Variants in NAV2 observed in about 807,000 individuals in gnomAD.
NAV2 encodes the protein neuron navigator 2, also known as helicase, APC down-regulated 1.
NAV2 carries 54 observed loss-of-function variants against 223.2 expected under a neutral mutation model. The observed-to-expected ratio is 0.24, with a 90% CI of 0.19 to 0.30. The LOEUF (loss-of-function observed/expected upper bound fraction) is 0.30, where lower values mean the gene tolerates loss of function less well. Ranked by LOEUF, NAV2 falls within the 10% of genes least tolerant of loss-of-function variation. The probability of loss-of-function intolerance (pLI) is 1.00; values close to 1 mark genes in which losing one functional copy is unlikely to be tolerated. For missense variants in NAV2, 2,806 were observed against 3,147.5 expected (o/e 0.89, Z 2.60); for synonymous variants, 1,279 against 1,239.3 (o/e 1.03, Z -0.67).
chr11:20,034,360 T>TG (rs1391976809), intron 11 of NAV2, among the ~76,000 whole-genome samples: 16 of 64,600 alleles, frequency 2.5e-4, no homozygotes, highest in African/African-American at 7.1e-4. Context: ...AGTTTTTTTT[T>TG]TGTTTTTTTT....
At chr11:20,066,710 A>T (rs758177619) in intron 20 of NAV2, among the ~76,000 whole-genome samples, 10 of 152,198 alleles carry the variant, frequency 6.6e-5, no homozygotes, top group Non-Finnish European at 1.3e-4. Context: ...ACTAATGGAG[A>T]TGCTGACATC....
intron 1 of NAV2, among the ~76,000 whole-genome samples, chr11:19,515,949 A>G (rs946553051): frequency 6.6e-6 from 1 of 151,548 alleles, no homozygotes; most frequent in Non-Finnish European, 1.5e-5. Context: ...ATTGACTGAG[A>G]TGGGAAAGGC....
At chr11:20,010,222 G>T (rs2053449453) in intron 11 of NAV2, among the ~76,000 whole-genome samples, 1 of 152,014 alleles carries the variant, frequency 6.6e-6, no homozygotes, top group Non-Finnish European at 1.5e-5. Context: ...TCCCCTAATT[G>T]TGAAGATGTC....
At chr11:19,562,946 C>T (rs1028727691) in intron 1 of NAV2, among the ~76,000 whole-genome samples, 44 of 152,126 alleles carry the variant, frequency 2.9e-4, no homozygotes, top group African/African-American at 2.4e-5. Flanking sequence ...ATAATGTCAC[C>T]TTCAAAACAT....
intron 1 of NAV2, among the ~76,000 whole-genome samples, chr11:19,501,954 T>C (rs934007009): frequency 6.6e-6 from 1 of 152,180 alleles, no homozygotes; most frequent in African/African-American, 2.4e-5. Context: ...TATATCCTTT[T>C]TAGCTTTGCT....
At chr11:19,731,971 G>T (rs1024545245) in intron 1 of NAV2, among the ~76,000 whole-genome samples, 1 of 152,066 alleles carries the variant, frequency 6.6e-6, no homozygotes, top group South Asian at 2.1e-4. Flanking sequence ...ACAGTATTTT[G>T]CTGTTTGCAA....
chr11:20,116,706 C>T (rs1257549208), intron 37 of NAV2, among the ~76,000 whole-genome samples: 2 of 152,200 alleles, frequency 1.3e-5, no homozygotes, highest in Non-Finnish European at 2.9e-5. Flanking sequence ...TCCTTCCAAC[C>T]CCAGGCCCCC....
chr11:19,362,883 A>G (rs547397533), intron 1 of NAV2, among the ~76,000 whole-genome samples: 40 of 152,342 alleles, frequency 2.6e-4, no homozygotes, highest in South Asian at 1.9e-3. Context: ...TTGTTTATCA[A>G]TTCATTCATT....
chr11:19,610,834 G>A (rs2046619170), intron 1 of NAV2, among the ~76,000 whole-genome samples: 2 of 151,980 alleles, frequency 1.3e-5, no homozygotes, highest in African/African-American at 2.4e-5. Context: ...GGATGGAGGT[G>A]GATGAATTGG....
upstream of NAV2, among the ~76,000 whole-genome samples, chr11:19,346,483 C>G (rs1233810169): frequency 6.6e-6 from 1 of 152,212 alleles, no homozygotes; most frequent in Non-Finnish European, 1.5e-5. Context: ...CACTGGGAGC[C>G]GCGGTGCCTC....
chr11:19,576,381 C>A (rs190026966), intron 1 of NAV2, among the ~76,000 whole-genome samples: 1 of 152,086 alleles, frequency 6.6e-6, no homozygotes, highest in Non-Finnish European at 1.5e-5. Flanking sequence ...TGAAACCACT[C>A]GCTTCTTACT....
rs780332108 is a variant in NAV2 at position 20,045,540 on chromosome 11, GACA to G, written c.3775_3777del (p.Asn1259del). ...AGACAAGGAGAAAGGCATCTCATCA[GACA>G]ACGAGAGTGTGGCTTCCTGTAACTC... On this transcript the variant is annotated inframe_deletion, in exon 14 of 38. Transcript: ENST00000349880. 2 of 1,614,044 alleles carry G rather than the reference GACA, an allele frequency of 1.2e-6. No homozygotes were observed. The highest frequency in any genetic ancestry group is 1.3e-5 in the African/African-American group (1 of 74,928).
rs575925436 is a variant in NAV2 at position 19,611,017 on chromosome 11, A to C, written c.76-221467A>C. Among the ~76,000 whole-genome samples the C allele has an allele frequency of 3.3e-5, 5 of 152,338 alleles. No individual in the cohort carries two copies. In the South Asian group the frequency reaches 1.0e-3, roughly 32 times the overall value. ...AAAGACATACCCAAGACTGGGAAGA[A>C]AAAGAGGTTTAATTGGACTTACAGT... On this transcript the variant is annotated intron_variant, in intron 1 of 37. Coordinates refer to the NAV2 transcript ENST00000360655.
intron 1 of NAV2, among the ~76,000 whole-genome samples, chr11:19,457,332 A>G (rs1221698882): frequency 2.0e-5 from 3 of 152,322 alleles, no homozygotes; most frequent in East Asian, 3.9e-4. Context: ...ATCTCTAACA[A>G]GGTAGCTTGT....
At chr11:19,957,285 A>G (rs2047957729) in intron 10 of NAV2, among the ~76,000 whole-genome samples, 1 of 152,200 alleles carries the variant, frequency 6.6e-6, no homozygotes, top group Non-Finnish European at 1.5e-5. Flanking sequence ...TTAATAGTGT[A>G]TGAATTCACA....
rs547522272 is a variant in NAV2 at position 20,120,938 on chromosome 11, A to G, written c.*2680A>G. The G allele has an allele frequency of 2.0e-5, 3 of 152,730 alleles. No homozygotes were observed. The highest frequency in any genetic ancestry group is 6.5e-5 in the Admixed American group (1 of 15,302). The allele number at this position is 152,730 out of a possible 1,614,324, so 9.5% of individuals were successfully genotyped here. On this transcript the variant is annotated 3_prime_UTR_variant, in exon 38 of 38. Transcript: ENST00000349880. The stretch of plus-strand genomic sequence containing the variant: ...GCCAATTTTGAAATATATAAATTCT[A>G]TGCAACATTTATGTTGAGTTACCAA...
chr11:19,463,096 A>T (rs1852222318), intron 1 of NAV2, among the ~76,000 whole-genome samples: 1 of 152,208 alleles, frequency 6.6e-6, no homozygotes, highest in African/African-American at 2.4e-5. Context: ...TTACCAAATT[A>T]TTTTCCAGGT....
intron 1 of NAV2, among the ~76,000 whole-genome samples, chr11:19,355,879 G>A (rs931051191): frequency 1.3e-5 from 2 of 152,178 alleles, no homozygotes; most frequent in African/African-American, 4.8e-5. Context: ...GATTTTCCTT[G>A]GCCATAGTGA....
At chr11:19,437,628 A>G (rs1851259171) in intron 1 of NAV2, among the ~76,000 whole-genome samples, 1 of 152,100 alleles carries the variant, frequency 6.6e-6, no homozygotes, top group Admixed American at 6.6e-5. Flanking sequence ...CCAAATGTCT[A>G]TTTGTAAAAA....
Sources: allele counts gnomAD v4.1 joint callset (sites outside exome capture counted in the v4.1 genomes callset), GRCh38; gene constraint gnomAD v4.1.1; transcripts MANE v1.5; gene names NCBI Gene and HGNC (gene_info 2026-07-23, HGNC 2026-07-21).